NPTX2: variants seen among roughly 807,000 people sequenced by gnomAD.
NPTX2 encodes the protein neuronal pentraxin-2.
NPTX2 carries 23 observed loss-of-function variants against 38.1 expected under a neutral mutation model. That is an observed-to-expected ratio of 0.60 (90% confidence interval 0.43 to 0.85). The LOEUF is 0.85. Among genes scored for constraint, NPTX2 ranks in the 40% least tolerant of loss-of-function variants. The pLI is 0.00. For missense variants in NPTX2, 553 were observed against 615.3 expected, an observed-to-expected ratio of 0.90 and a Z score of 1.07; for synonymous variants, 291 against 287.3, an observed-to-expected ratio of 1.01 and a Z score of -0.13.
rs1458677333 is a variant in NPTX2, at chr7:98,627,186, G to C, written c.910G>C (p.Val304Leu). 1 of 1,613,682 alleles carries C rather than the reference G, an allele frequency of 6.2e-7. No individual in the cohort carries two copies. The highest frequency in any genetic ancestry group is 8.5e-7 in the Non-Finnish European group (1 of 1,179,724). The change falls in exon 4 of 5, where the codon GTC becomes CTC. Residue 304 changes from valine (V) to leucine (L), a missense_variant. Coordinates refer to ENST00000265634, the MANE Select transcript of NPTX2 (RefSeq NM_002523.3). Reference protein sequence around the residue: ...NDKVAQLPLFVSDGKWHHICV... With the variant: ...NDKVAQLPLFLSDGKWHHICV... ...ACAGGTTGCGCAGCTGCCCCTGTTT[G>C]TCAGTGACGGCAAGTGGCACCACAT...
intron 2 of NPTX2, among the ~76,000 whole-genome samples, chr7:98,623,991 G>A (rs546123923): frequency 6.6e-6 from 1 of 152,300 alleles, no homozygotes; most frequent in South Asian, 2.1e-4. Context: ...ACCAGACAGA[G>A]CCTCTGTCAC....
chr7:98,621,982 T>A (rs1791277903), intron 2 of NPTX2, among the ~76,000 whole-genome samples: 1 of 152,206 alleles, frequency 6.6e-6, no homozygotes, highest in South Asian at 2.1e-4. Context: ...GCCTGACCCC[T>A]GGCATATGGA....
At position 98,619,642 on chromosome 7, in the gene NPTX2, G is replaced by T; in HGVS notation, c.427-1G>T. 6.2e-7 allele frequency: 1 copy of T among 1,605,012 alleles called. No homozygotes were observed. Among genetic ancestry groups the T allele is most frequent in the Non-Finnish European group, 8.5e-7 (1 of 1,173,082 alleles). Reference sequence around the variant, plus strand: ...CCTCCCTCCTCCCCGGTGGCTGAAAGCACCAGCTCAGAGCAAACGTGTCCA... The same window carrying T: ...CCTCCCTCCTCCCCGGTGGCTGAAATCACCAGCTCAGAGCAAACGTGTCCA... On this transcript the variant is annotated splice_acceptor_variant, in intron 1 of 4. Coordinates refer to ENST00000265634, the MANE Select transcript of NPTX2 (RefSeq NM_002523.3). LOFTEE classifies it high-confidence loss of function.
At chr7:98,620,821 A>T (rs1791258792) in intron 2 of NPTX2, among the ~76,000 whole-genome samples, 1 of 152,094 alleles carries the variant, frequency 6.6e-6, no homozygotes, top group Non-Finnish European at 1.5e-5. Flanking sequence ...TTGCCTCTCG[A>T]AAGGGGAACT....
At chr7:98,626,986 G>A (rs1791360492) in intron 3 of NPTX2, among the ~76,000 whole-genome samples, 179 bp from the exon 4 acceptor site, 1 of 152,166 alleles carries the variant, frequency 6.6e-6, no homozygotes. Context: ...TGTGAGGGCT[G>A]CTCTGGGGTC....
rs1791210787 is a variant in NPTX2, at chr7:98,618,376, A to G, written c.426+489A>G. On this transcript the variant is annotated intron_variant, in intron 1 of 4. Transcript: ENST00000265634. ...TTTAAATCAGGTCAGGCTGAGCTAG[A>G]GGGGGCGGAAGTCTGGGGGCGGAGG... Among the ~76,000 whole-genome samples, 6 of 151,798 alleles carry G rather than the reference A, an allele frequency of 4.0e-5. 1 individual carries two copies. The highest frequency in any genetic ancestry group is 3.9e-4 in the Admixed American group (6 of 15,258).
chr7:98,617,552 G>A lies in NPTX2; in HGVS notation c.91G>A (p.Ala31Thr). The change falls in exon 1 of 5, where the codon GCA becomes ACA. Residue 31 changes from alanine (A) to threonine (T), a missense_variant. Coordinates refer to ENST00000265634, the MANE Select transcript of NPTX2 (RefSeq NM_002523.3). ...PAPGSRFVCT[A>T]LPPEAVHAGC... Reference sequence around the variant, plus strand: ...GCCCGGTAGCCGCTTCGTGTGCACGGCACTGCCCCCAGAGGCGGTGCACGC... The same window carrying A: ...GCCCGGTAGCCGCTTCGTGTGCACGACACTGCCCCCAGAGGCGGTGCACGC... The A allele has an allele frequency of 1.4e-6, 2 of 1,469,866 alleles. No individual in the cohort carries two copies. The highest frequency in any genetic ancestry group is 1.3e-5 in the South Asian group (1 of 77,578). The allele number at this position is 1,469,866 out of a possible 1,614,324, so 91.1% of individuals were successfully genotyped here. A position where few individuals can be genotyped will look rare whatever the true frequency, so the allele number is the denominator to read the frequency against.
In NPTX2 at chr7:98,628,884, G is replaced by A. The variant is rs1791397216; in HGVS notation, c.*255G>A. 5.3e-6 allele frequency: 2 copies of A among 375,452 alleles called. No individual in the cohort carries two copies. The highest frequency in any genetic ancestry group is 1.1e-4 in the South Asian group (1 of 9,136). 23.3% of individuals were successfully genotyped at this position (375,452 alleles called of 1,614,324 possible). A position where few individuals can be genotyped will look rare whatever the true frequency, so the allele number is the denominator to read the frequency against. On this transcript the variant is annotated 3_prime_UTR_variant, in exon 5 of 5. Transcript: ENST00000265634. Reference sequence around the variant, plus strand: ...CCCAAGACACCTGCCCCAAGTGGGTGGATATCTGCCTTCCTGCTGCAAGTG... The same window carrying A: ...CCCAAGACACCTGCCCCAAGTGGGTAGATATCTGCCTTCCTGCTGCAAGTG...
chr7:98,617,999 G>A (rs1374783147), intron 1 of NPTX2, 112 bp downstream of exon 1: 10 of 1,088,298 alleles, frequency 9.2e-6, no homozygotes, highest in African/African-American at 6.6e-5. Context: ...GGGTGTGATC[G>A]TCCGTGGGGG....
intron 1 of NPTX2, among the ~76,000 whole-genome samples, chr7:98,618,569 T>TCC (rs145792464): frequency 1.8e-3 from 54 of 30,066 alleles, no homozygotes; most frequent in Middle Eastern, 0.024. Flanking sequence ...TCTCTCTCTC[T>TCC]CCCCCCCTCC....
chr7:98,620,115 C>A, intron 2 of NPTX2: 1 of 534,690 alleles, frequency 1.9e-6, no homozygotes, highest in Non-Finnish European at 3.4e-6. Flanking sequence ...CGTTTCAGTC[C>A]TTTGTTAACT....
chr7:98,627,351 G>T lies in NPTX2; in HGVS notation c.1068+7G>T, dbSNP rs397246. On this transcript the variant is annotated splice_region_variant and intron_variant, in intron 4 of 4. Transcript: ENST00000265634. ...GATCCTTGGACAAGAGCAGGTGGGT[G>T]CAGGGCAGGTGCAGGTGGGCACAGG... The T allele has an allele frequency of 6.2e-7, 1 of 1,612,232 alleles. No homozygotes were observed.
intron 2 of NPTX2, among the ~76,000 whole-genome samples, chr7:98,622,007 G>A (rs935062655): frequency 6.6e-6 from 1 of 152,206 alleles, no homozygotes; most frequent in Non-Finnish European, 1.5e-5. Flanking sequence ...CCTGCCACCC[G>A]GGGCCCAGGG....
intron 1 of NPTX2, among the ~76,000 whole-genome samples, chr7:98,619,117 A>G (rs1364775310): frequency 6.6e-6 from 1 of 152,222 alleles, no homozygotes; most frequent in Non-Finnish European, 1.5e-5. Flanking sequence ...GTGAGGATTT[A>G]GAAACAGCAT....
chr7:98,619,721 C>G lies in NPTX2; in HGVS notation c.505C>G (p.Leu169Val), dbSNP rs780390990. 4.3e-6 allele frequency: 7 copies of G among 1,613,268 alleles called. No homozygotes were observed. The highest frequency in any genetic ancestry group is 5.9e-6 in the Non-Finnish European group (7 of 1,180,024). Residue 169 changes from leucine to valine, a missense_variant, in exon 2 of 5, where the codon CTG becomes GTG. Leu to Val is a conservative substitution (Grantham distance 32). Coordinates refer to ENST00000265634, the MANE Select transcript of NPTX2 (RefSeq NM_002523.3). ...GGTGCTCCAGCAGCGGCTGGGGGAGCTGGAGAGGCAGCTTCTGCGCAAGGT... is the reference window on the plus strand; with the variant it reads ...GGTGCTCCAGCAGCGGCTGGGGGAGGTGGAGAGGCAGCTTCTGCGCAAGGT... ...REVLQQRLGE[L>V]ERQLLRKVAE... is the part of the protein sequence containing the mutation.
intron 3 of NPTX2, among the ~76,000 whole-genome samples, chr7:98,626,194 C>T (rs1260212091): frequency 6.6e-6 from 1 of 151,464 alleles, no homozygotes; most frequent in Admixed American, 6.6e-5. Context: ...TCCTGGGGAC[C>T]TCTCACAGCC....
At position 98,617,575 on chromosome 7, in the gene NPTX2, C is replaced by T. The variant is rs1193513657; in HGVS notation, c.114C>T (p.His38=). 6.7e-7 allele frequency: 1 copy of T among 1,481,496 alleles called. No homozygotes were observed. The highest frequency in any genetic ancestry group is 8.9e-7 in the Non-Finnish European group (1 of 1,123,374). The allele number at this position is 1,481,496 out of a possible 1,614,324, so 91.8% of individuals were successfully genotyped here. A position where few individuals can be genotyped will look rare whatever the true frequency, so the allele number is the denominator to read the frequency against. The change falls in exon 1 of 5, where the codon CAC becomes CAT. Residue 38 remains histidine (H), a synonymous_variant. Coordinates refer to ENST00000265634, the MANE Select transcript of NPTX2 (RefSeq NM_002523.3). ...VCTALPPEAV[H]AGCPLPAMPM... is the part of the protein sequence containing the mutation. ...CGGCACTGCCCCCAGAGGCGGTGCA[C>T]GCCGGCTGCCCGCTGCCCGCGATGC...
At chr7:98,625,932 G>C (rs1483336279) in intron 3 of NPTX2, among the ~76,000 whole-genome samples, 3 of 151,968 alleles carry the variant, frequency 2.0e-5, no homozygotes, top group Admixed American at 2.0e-4. Flanking sequence ...GATTGCTTGA[G>C]CCCAGGAGTT....
intron 3 of NPTX2, among the ~76,000 whole-genome samples, chr7:98,625,752 C>A (rs909981962): frequency 6.6e-6 from 1 of 152,016 alleles, no homozygotes; most frequent in Non-Finnish European, 1.5e-5. Flanking sequence ...CCAGCCCCAG[C>A]CCATGGCCAT....
Sources: allele counts gnomAD v4.1 joint callset (sites outside exome capture counted in the v4.1 genomes callset), GRCh38; gene constraint gnomAD v4.1.1; transcripts MANE v1.5; gene names NCBI Gene and HGNC (gene_info 2026-07-23, HGNC 2026-07-21).